Variants in CTDSPL2 observed in about 807,000 individuals in gnomAD.
CTDSPL2 encodes the protein CTD small phosphatase-like protein 2.
CTDSPL2 carries 5 observed loss-of-function variants against 60.0 expected under a neutral mutation model. The observed-to-expected ratio is 0.08, with a 90% CI of 0.04 to 0.18. The LOEUF (loss-of-function observed/expected upper bound fraction) is 0.18. Among genes scored for constraint, CTDSPL2 ranks in the 10% least tolerant of loss-of-function variants. The probability of loss-of-function intolerance (pLI) is 1.00; values close to 1 mark genes in which losing one functional copy is unlikely to be tolerated. For missense variants in CTDSPL2, 370 were observed against 548.8 expected (o/e 0.67, Z 3.26); for synonymous variants, 186 against 189.3 (o/e 0.98, Z 0.14).
chr15:44,504,708 CA>C (rs34132661), intron 8 of CTDSPL2, among the ~76,000 whole-genome samples: 92 of 133,612 alleles, frequency 6.9e-4, no homozygotes, highest in Non-Finnish European at 7.4e-4. Flanking sequence ...CTGTCCCTTC[CA>C]AAAAAAAAAA....
chr15:44,441,550 A>G (rs1016419555), intron 1 of CTDSPL2, among the ~76,000 whole-genome samples: 1 of 152,160 alleles, frequency 6.6e-6, no homozygotes, highest in African/African-American at 2.4e-5. Context: ...GCAGTTTGTT[A>G]ACAATTTTAG....
At chr15:44,472,907 T>C (rs897168889) in intron 2 of CTDSPL2, among the ~76,000 whole-genome samples, 3 of 152,246 alleles carry the variant, frequency 2.0e-5, no homozygotes, top group African/African-American at 7.2e-5. Flanking sequence ...GTGACCCGCC[T>C]GCCTTGGCCT....
At chr15:44,448,794 C>T (rs1268822560) in intron 1 of CTDSPL2, 4 of 350,556 alleles carry the variant, frequency 1.1e-5, no homozygotes, top group Admixed American at 4.0e-5. Context: ...AGGGAAGCTG[C>T]GGACGCTTAG....
At chr15:44,493,523 G>A (rs1017129891) in intron 5 of CTDSPL2, among the ~76,000 whole-genome samples, 9 of 152,190 alleles carry the variant, frequency 5.9e-5, no homozygotes, top group South Asian at 2.1e-4. Context: ...GCTGGGTGCC[G>A]TGGCTCATGC....
intron 2 of CTDSPL2, among the ~76,000 whole-genome samples, chr15:44,478,344 C>T (rs1446323422): frequency 3.4e-5 from 5 of 146,976 alleles, no homozygotes; most frequent in East Asian, 4.1e-4. Context: ...CCCAGCTTCT[C>T]GGGAGGCTGA....
At chr15:44,431,327 CACTT>C (rs946803510) in intron 1 of CTDSPL2, among the ~76,000 whole-genome samples, 14 of 152,204 alleles carry the variant, frequency 9.2e-5, no homozygotes, top group Non-Finnish European at 1.5e-5. Context: ...CTTTAGTTTT[CACTT>C]ACTTGGCATT....
chr15:44,471,130 A>G (rs181653220), intron 2 of CTDSPL2, among the ~76,000 whole-genome samples: 1 of 152,114 alleles, frequency 6.6e-6, no homozygotes, highest in African/African-American at 2.4e-5. Flanking sequence ...TCACACACAC[A>G]ACATACATTT....
At chr15:44,440,209 T>G (rs572991177) in intron 1 of CTDSPL2, among the ~76,000 whole-genome samples, 23 of 151,716 alleles carry the variant, frequency 1.5e-4, no homozygotes, top group African/African-American at 5.6e-4. Flanking sequence ...GTTTTTTTTT[T>G]TTTTGAGATG....
At position 44,455,021 on chromosome 15, in the gene CTDSPL2, A is replaced by G. The variant is rs575115464; in HGVS notation, c.-24-3970A>G. ...GAATCTATAAATTACCTTGGGCAGT[A>G]TGGCCATTTTCACGATATTGATTCT... On this transcript the variant is annotated intron_variant, in intron 1 of 12. Transcript: ENST00000260327. 3.3e-4 allele frequency among the ~76,000 whole-genome samples: 50 copies of G among 152,252 alleles called. No homozygotes were observed. The South Asian group carries it at 9.7e-3, about 30-fold the overall frequency.
At position 44,525,618 on chromosome 15, in the gene CTDSPL2, AT is replaced by A; in HGVS notation, c.*1445del. 1 of 397,210 alleles carries A rather than the reference AT, an allele frequency of 2.5e-6. No homozygotes were observed. The allele number at this position is 397,210 out of a possible 1,614,324, so 24.6% of individuals were successfully genotyped here. ...ATTGGAAATTAAAGGTGGACAACTG[AT>A]AATTGAGGAGTATGTCAATTAATTT... is the stretch of plus-strand genomic sequence containing the variant. On this transcript the variant is annotated 3_prime_UTR_variant, in exon 13 of 13. Transcript: ENST00000260327.
intron 2 of CTDSPL2, among the ~76,000 whole-genome samples, chr15:44,481,555 C>G (rs1432831957): frequency 6.6e-6 from 1 of 152,118 alleles, no homozygotes; most frequent in Non-Finnish European, 1.5e-5. Context: ...TACATAGGCA[C>G]AAGTCCTTTC....
intron 8 of CTDSPL2, among the ~76,000 whole-genome samples, chr15:44,507,091 T>G (rs898779407): frequency 6.6e-6 from 1 of 150,412 alleles, no homozygotes; most frequent in Non-Finnish European, 1.5e-5. Flanking sequence ...TTTGTTTTTT[T>G]TTTTAAATAA....
intron 3 of CTDSPL2, among the ~76,000 whole-genome samples, chr15:44,485,367 C>T (rs1466928746): frequency 6.6e-6 from 1 of 152,124 alleles, no homozygotes; most frequent in African/African-American, 2.4e-5. Flanking sequence ...AGCAACAGTC[C>T]CCAACCTCTT....
chr15:44,452,966 C>T (rs2080360900), intron 1 of CTDSPL2, among the ~76,000 whole-genome samples: 1 of 152,084 alleles, frequency 6.6e-6, no homozygotes, highest in Non-Finnish European at 1.5e-5. Flanking sequence ...GACCAGTTTG[C>T]TCCTTGCCTT....
intron 1 of CTDSPL2, among the ~76,000 whole-genome samples, chr15:44,457,115 C>G (rs755343053): frequency 6.6e-6 from 1 of 152,036 alleles, no homozygotes; most frequent in African/African-American, 2.4e-5. Flanking sequence ...GGGCTCAAGC[C>G]ATCTACCTGC....
At chr15:44,431,692 TTTTGTTTGTTTG>T (rs1331963251) in intron 1 of CTDSPL2, among the ~76,000 whole-genome samples, 1 of 146,332 alleles carries the variant, frequency 6.8e-6, no homozygotes, top group Admixed American at 6.8e-5. Flanking sequence ...GAGTTAAGTT[TTTTGTTTGTTTG>T]TTTGTTTGTT....
At chr15:44,495,134 G>A (rs563977833) in intron 5 of CTDSPL2, among the ~76,000 whole-genome samples, 31 of 152,124 alleles carry the variant, frequency 2.0e-4, no homozygotes, top group African/African-American at 7.2e-4. Flanking sequence ...ACCATGCCCA[G>A]CTAATTTTGT....
rs575202998 is a variant in CTDSPL2 at position 44,470,055 on chromosome 15, G to A, written c.186+10855G>A. On this transcript the variant is annotated intron_variant, in intron 2 of 12. Coordinates refer to ENST00000260327, the MANE Select transcript of CTDSPL2 (RefSeq NM_016396.3). Reference sequence around the variant, plus strand: ...GGAGCTTGCAGTGAGCCGAGATCACGCCACTGCACTCCAGCCTGGGCGACA... The same window carrying A: ...GGAGCTTGCAGTGAGCCGAGATCACACCACTGCACTCCAGCCTGGGCGACA... Among the ~76,000 whole-genome samples the A allele has an allele frequency of 1.3e-3, 177 of 134,278 alleles. 1 individual carries two copies. Among genetic ancestry groups the A allele is most frequent in the African/African-American group, 4.8e-3 (166 of 34,828 alleles). 88.1% of individuals were successfully genotyped at this position (134,278 alleles called of 152,430 possible). A position where few individuals can be genotyped will look rare whatever the true frequency, so the allele number is the denominator to read the frequency against.
chr15:44,503,941 G>A (rs1189375921), intron 8 of CTDSPL2: 1 of 152,340 alleles, frequency 6.6e-6, no homozygotes, highest in African/African-American at 2.4e-5. Context: ...TATGGGAAAA[G>A]TTGGGGGAAG....
Sources: allele counts gnomAD v4.1 joint callset (sites outside exome capture counted in the v4.1 genomes callset), GRCh38; gene constraint gnomAD v4.1.1; transcripts MANE v1.5; gene names NCBI Gene and HGNC (gene_info 2026-07-23, HGNC 2026-07-21).